Variants in KIRREL3 observed in about 807,000 individuals in gnomAD.
KIRREL3 encodes the protein kin of IRRE-like protein 3.
In KIRREL3, 36 loss-of-function variants were observed where a neutral mutation model predicts 89.7. That is an observed-to-expected ratio of 0.40 (90% CI 0.31 to 0.53). KIRREL3 has a LOEUF of 0.53. Among genes scored for constraint, KIRREL3 ranks in the 20% least tolerant of loss-of-function variants. The pLI is 0.49. For missense variants in KIRREL3, 864 were observed against 1,056.6 expected, an observed-to-expected ratio of 0.82 and a Z score of 2.53; for synonymous variants, 445 against 441.4, an observed-to-expected ratio of 1.01 and a Z score of -0.10.
Position 126,429,401 on chromosome 11 carries a change from GC to G in KIRREL3, c.1697-114del. ...TGCCACCCTCTGCATTTCCCCTCCA[GC>G]CCCTGAACTCAGCAGCTTCACCAGC... On this transcript the variant is annotated intron_variant, in intron 14 of 16. Transcript: ENST00000525144. This position sits in a 1 kb window ranked among gnomAD's most constrained non-coding sequence, Gnocchi z 5.2. The G allele has an allele frequency of 1.4e-6, 1 of 715,796 alleles. No homozygotes were observed. The highest frequency in any genetic ancestry group is 2.1e-5 in the Admixed American group (1 of 48,562). The allele number at this position is 715,796 out of a possible 1,614,324, so 44.3% of individuals were successfully genotyped here. A position where few individuals can be genotyped will look rare whatever the true frequency, so the allele number is the denominator to read the frequency against.
chr11:126,656,181 G>A lies in KIRREL3; in HGVS notation c.56-93269C>T. 2.2e-6 allele frequency: 1 copy of A among 456,228 alleles called. No individual in the cohort carries two copies. Among genetic ancestry groups the A allele is most frequent in the South Asian group, 1.5e-5 (1 of 64,544 alleles). The allele number at this position is 456,228 out of a possible 1,614,324, so 28.3% of individuals were successfully genotyped here. On this transcript the variant is annotated intron_variant, in intron 1 of 16. Transcript: ENST00000525144. This position sits in a 1 kb window ranked among gnomAD's most constrained non-coding sequence, Gnocchi z 4.0. ...GGAGCAATGTTTGCAGGTGAGTGAG[G>A]TCAGGGAGGGCTACAGAGTTAGGAC...
rs1212354810 is a variant in KIRREL3, at chr11:126,520,826, G to A, written c.433+489C>T. Among the ~76,000 whole-genome samples the A allele has an allele frequency of 2.6e-5, 4 of 152,246 alleles. No homozygotes were observed. The highest frequency in any genetic ancestry group is 2.9e-5 in the Non-Finnish European group (2 of 68,008). On this transcript the variant is annotated intron_variant, in intron 4 of 16. Transcript: ENST00000525144. The surrounding 1 kb of genome is among the most constrained non-coding windows in gnomAD (Gnocchi z 4.9). ...GAGCAATGAGGGGTGGAGAAGTCAC[G>A]GGGGTCACTGGTGTCCACATGGATA...
chr11:126,957,090 G>A (rs1244822384), intron 1 of KIRREL3, among the ~76,000 whole-genome samples: 1 of 152,228 alleles, frequency 6.6e-6, no homozygotes, highest in African/African-American at 2.4e-5. Context: ...GCCAATGACT[G>A]CTATTGACTG....
At chr11:126,499,658 G>A (rs1160769914) in intron 4 of KIRREL3, among the ~76,000 whole-genome samples, 2 of 152,190 alleles carry the variant, frequency 1.3e-5, no homozygotes, top group African/African-American at 4.8e-5. Context: ...GGGCAGGGTG[G>A]GCGTCTATCT....
chr11:126,600,672 CAT>C (rs766629333), intron 1 of KIRREL3, among the ~76,000 whole-genome samples: 40 of 152,170 alleles, frequency 2.6e-4, no homozygotes, highest in Admixed American at 6.5e-4. Context: ...GGAAGAAAGA[CAT>C]AGCTGAAATA....
At chr11:126,988,774 T>C (rs1949942441) in intron 1 of KIRREL3, among the ~76,000 whole-genome samples, 1 of 152,204 alleles carries the variant, frequency 6.6e-6, no homozygotes, top group Admixed American at 6.5e-5. Context: ...AGGGAATGCA[T>C]GCAAAACTCA....
In KIRREL3 at chr11:126,711,182, C is replaced by T. The variant is rs546629360; in HGVS notation, c.56-148270G>A. ...TCTCTGCTCCATCTTTTTATGGATC[C>T]AGTGGGTGGCAGAAGGAATGGAGTT... is the stretch of plus-strand genomic sequence containing the variant. On this transcript the variant is annotated intron_variant, in intron 1 of 16. Transcript: ENST00000525144. 1.2e-4 allele frequency among the ~76,000 whole-genome samples: 19 copies of T among 152,336 alleles called. No homozygotes were observed. In the South Asian group the frequency reaches 3.9e-3, roughly 32 times the overall value.
rs970582036 is a variant in KIRREL3 at position 126,802,054 on chromosome 11, G to A, written c.55+198401C>T. ...AACCTGATTAATTGCTATTCCATAG[G>A]CAAATGATGCTGCCAAACAGTCATT... On this transcript the variant is annotated intron_variant, in intron 1 of 16. Transcript: ENST00000525144. The surrounding 1 kb of genome is among the most constrained non-coding windows in gnomAD (Gnocchi z 5.2). 3.3e-5 allele frequency among the ~76,000 whole-genome samples: 5 copies of A among 152,156 alleles called. No individual in the cohort carries two copies. The highest frequency in any genetic ancestry group is 1.2e-4 in the African/African-American group (5 of 41,424).
rs1415243509 is a variant in KIRREL3, at chr11:126,566,854, G to A, written c.56-3942C>T. On this transcript the variant is annotated intron_variant, in intron 1 of 16. Transcript: ENST00000525144. This position sits in a 1 kb window ranked among gnomAD's most constrained non-coding sequence, Gnocchi z 4.9. Reference sequence around the variant, plus strand: ...TTAGATGCTCACAGTAAGTAGCTCTGTGACACAGGCAAGTCAGAAATTATC... The same window carrying A: ...TTAGATGCTCACAGTAAGTAGCTCTATGACACAGGCAAGTCAGAAATTATC... Among the ~76,000 whole-genome samples, 1 of 152,184 alleles carries A rather than the reference G, an allele frequency of 6.6e-6. No homozygotes were observed. Among genetic ancestry groups the A allele is most frequent in the Non-Finnish European group, 1.5e-5 (1 of 68,036 alleles).
rs182302291 is a variant in KIRREL3, at chr11:126,618,812, T to C, written c.56-55900A>G. Among the ~76,000 whole-genome samples, 558 of 152,346 alleles carry C rather than the reference T, an allele frequency of 3.7e-3. 3 individuals are homozygous for C. Among genetic ancestry groups the C allele is most frequent in the Non-Finnish European group, 6.2e-3 (422 of 68,020 alleles). ...CAACACAAAGAGTCTTCCCAGAGCA[T>C]CCCTGCTAAGGGCTGTGACTTGAAT... On this transcript the variant is annotated intron_variant, in intron 1 of 16. Transcript: ENST00000525144.
At chr11:126,868,546 A>G (rs1944999826) in intron 1 of KIRREL3, among the ~76,000 whole-genome samples, 1 of 152,124 alleles carries the variant, frequency 6.6e-6, no homozygotes, top group African/African-American at 2.4e-5. Flanking sequence ...CCCACTCCTG[A>G]TGACTACTAA....
chr11:126,747,646 C>T lies in KIRREL3; in HGVS notation c.56-184734G>A, dbSNP rs1949197250. Among the ~76,000 whole-genome samples the T allele has an allele frequency of 2.0e-5, 3 of 152,082 alleles. No individual in the cohort carries two copies. In the South Asian group the frequency reaches 6.3e-4, roughly 32 times the overall value. The stretch of plus-strand genomic sequence containing the variant: ...ACCTGGTATAACTGAGAGCGCATCT[C>T]CCTTGAGTTCCTTGAGACTAGAAAC... On this transcript the variant is annotated intron_variant, in intron 1 of 16. Coordinates refer to ENST00000525144, the MANE Select transcript of KIRREL3 (RefSeq NM_032531.4). The surrounding 1 kb of genome is among the most constrained non-coding windows in gnomAD (Gnocchi z 4.7).
chr11:126,483,040 G>T (rs1175807473), intron 4 of KIRREL3, among the ~76,000 whole-genome samples: 1 of 152,202 alleles, frequency 6.6e-6, no homozygotes, highest in Admixed American at 6.5e-5. Flanking sequence ...TGCCTTCCTG[G>T]GCGAGAGCTA....
chr11:126,493,802 A>G (rs981872429), intron 4 of KIRREL3, among the ~76,000 whole-genome samples: 2 of 152,062 alleles, frequency 1.3e-5, no homozygotes, highest in Non-Finnish European at 1.5e-5. Context: ...ACATGGTGAC[A>G]GGGCAGTCGC....
intron 1 of KIRREL3, among the ~76,000 whole-genome samples, chr11:126,815,682 C>T (rs1434736671): frequency 2.0e-5 from 3 of 152,158 alleles, no homozygotes; most frequent in East Asian, 1.9e-4. Context: ...TACAGGCAGC[C>T]GCCACCACGC....
At chr11:126,453,298 G>A (rs1956244006) in intron 7 of KIRREL3, among the ~76,000 whole-genome samples, 1 of 152,090 alleles carries the variant, frequency 6.6e-6, no homozygotes, top group Non-Finnish European at 1.5e-5. Flanking sequence ...AACACTGAGA[G>A]ACTCTCAGAG....
rs1483769718 is a variant in KIRREL3 at position 126,655,052 on chromosome 11, A to G, written c.56-92140T>C. On this transcript the variant is annotated intron_variant, in intron 1 of 16. Coordinates refer to ENST00000525144, the MANE Select transcript of KIRREL3 (RefSeq NM_032531.4). This position sits in a 1 kb window ranked among gnomAD's most constrained non-coding sequence, Gnocchi z 5.0. ...AGCTGGCACAGGCTGTGCTGAACACAGGTCTCACCCCACTGTGGGCAGGTG... is the reference window on the plus strand; with the variant it reads ...AGCTGGCACAGGCTGTGCTGAACACGGGTCTCACCCCACTGTGGGCAGGTG... Among the ~76,000 whole-genome samples, 1 of 152,222 alleles carries G rather than the reference A, an allele frequency of 6.6e-6. No homozygotes were observed. Among genetic ancestry groups the G allele is most frequent in the East Asian group, 1.9e-4 (1 of 5,188 alleles).
At chr11:126,674,379 GATTTC>G (rs1179480055) in intron 1 of KIRREL3, among the ~76,000 whole-genome samples, 1 of 152,210 alleles carries the variant, frequency 6.6e-6, no homozygotes, top group African/African-American at 2.4e-5. Context: ...CATAAGTCCT[GATTTC>G]ATACTAAGAC....
rs1942977402 is a variant in KIRREL3, at chr11:126,608,358, C to G, written c.56-45446G>C. Reference sequence around the variant, plus strand: ...CAACTTCTGACTTCCTGTGCGGGGGCTCCTCCTCTAGCCCCAGGCTATCGA... The same window carrying G: ...CAACTTCTGACTTCCTGTGCGGGGGGTCCTCCTCTAGCCCCAGGCTATCGA... On this transcript the variant is annotated intron_variant, in intron 1 of 16. Transcript: ENST00000525144. This position sits in a 1 kb window ranked among gnomAD's most constrained non-coding sequence, Gnocchi z 4.9. Among the ~76,000 whole-genome samples, 1 of 152,194 alleles carries G rather than the reference C, an allele frequency of 6.6e-6. No individual in the cohort carries two copies. Among genetic ancestry groups the G allele is most frequent in the Non-Finnish European group, 1.5e-5 (1 of 68,034 alleles).
Sources: gnomAD v4.1 joint callset for allele counts (sites outside exome capture counted in the v4.1 genomes callset) on GRCh38, gnomAD v4.1.1 for gene constraint, Gnocchi (gnomAD v3.1) non-coding constraint, MANE v1.5 for transcripts, NCBI Gene and HGNC (gene_info 2026-07-23, HGNC 2026-07-21) for gene names.